Variants in SLC25A53 observed in about 807,000 individuals in gnomAD.
SLC25A53 encodes mitochondrial carrier triple repeat protein 6.
SLC25A53 carries 5 observed loss-of-function variants against 15.0 expected under a neutral mutation model. The observed-to-expected ratio is 0.33, with a 90% confidence interval of 0.17 to 0.70. The LOEUF is 0.70. Among genes scored for constraint, SLC25A53 ranks in the 30% least tolerant of loss-of-function variants. The pLI, the probability that SLC25A53 is intolerant of heterozygous loss-of-function variation, is 0.67. For synonymous variants in SLC25A53, 95 were observed against 100.0 expected (o/e 0.95, Z 0.30); for missense variants, 216 against 241.6 (o/e 0.89, Z 0.70).
At chrX:104,105,347 T>C (rs58063985) in intron 1 of SLC25A53, 59 bp from the exon 2 acceptor site, 11,121 of 813,383 alleles carry the variant, frequency 0.014, 202 homozygotes, top group African/African-American at 0.096. Flanking sequence ...GGCAAGCATT[T>C]TCATTGCTTA....
chrX:104,145,422 A>C (rs1447104321), intron 1 of SLC25A53, among the ~76,000 whole-genome samples: 1 of 111,454 alleles, frequency 9.0e-6, no homozygotes, highest in Non-Finnish European at 1.9e-5. Context: ...GAACAAACAA[A>C]TTCAAAAGCT....
At chrX:104,146,356 C>A (rs1382077973) in intron 1 of SLC25A53, among the ~76,000 whole-genome samples, 2 of 111,883 alleles carry the variant, frequency 1.8e-5, no homozygotes, top group Admixed American at 1.9e-4. Context: ...ATCACACTGA[C>A]TGGGCAAAAA....
intron 1 of SLC25A53, among the ~76,000 whole-genome samples, chrX:104,133,110 T>C (rs781854591): frequency 8.9e-6 from 1 of 112,228 alleles, no homozygotes; most frequent in Non-Finnish European, 1.9e-5. Context: ...TATAATGGAA[T>C]CCAGATTCTC....
chrX:104,147,298 T>C lies in SLC25A53; in HGVS notation c.-32+9580A>G, dbSNP rs782443532. On this transcript the variant is annotated intron_variant, in intron 1 of 1. Coordinates refer to ENST00000594199, the MANE Select transcript of SLC25A53 (RefSeq NM_001012755.5). ...CCTTCCTTACACCTTATACAAAAAT[T>C]AATTCAAGATGGATTAAAGACTTAA... is the stretch of plus-strand genomic sequence containing the variant. Among the ~76,000 whole-genome samples the C allele has an allele frequency of 4.5e-5, 5 of 110,614 alleles. No homozygotes were observed. In the South Asian group the frequency reaches 1.9e-3, roughly 43 times the overall value.
chrX:104,120,664 T>C (rs1226766636), intron 1 of SLC25A53, among the ~76,000 whole-genome samples: 1 of 111,907 alleles, frequency 8.9e-6, no homozygotes. Context: ...TCCCAATCCA[T>C]ATACATTTCT....
chrX:104,128,327 A>G (rs1025435877), intron 1 of SLC25A53, among the ~76,000 whole-genome samples: 5 of 112,202 alleles, frequency 4.5e-5, no homozygotes, highest in African/African-American at 1.6e-4. Flanking sequence ...TTAGAAATCA[A>G]AACTGAAAAA....
intron 1 of SLC25A53, among the ~76,000 whole-genome samples, chrX:104,149,228 C>T (rs1292116015): frequency 3.6e-5 from 4 of 112,488 alleles, no homozygotes; most frequent in Non-Finnish European, 7.5e-5. Context: ...TAACCAAACT[C>T]CCCACCTCTG....
chrX:104,122,537 C>T (rs925242772), intron 1 of SLC25A53, among the ~76,000 whole-genome samples: 1 of 110,475 alleles, frequency 9.1e-6, no homozygotes, highest in East Asian at 2.8e-4. Context: ...TAAAAGGCTG[C>T]TCACACTCTC....
rs1296133804 is a variant in SLC25A53, at chrX:104,099,726, C to G, written c.*4608G>C. 1 of 111,509 alleles carries G rather than the reference C, an allele frequency of 9.0e-6. No individual in the cohort carries two copies. The highest frequency in any genetic ancestry group is 1.9e-5 in the Non-Finnish European group (1 of 53,064). 9.2% of individuals were successfully genotyped at this position (111,509 alleles called of 1,213,427 possible). On this transcript the variant is annotated 3_prime_UTR_variant, in exon 2 of 2. Coordinates refer to ENST00000594199, the MANE Select transcript of SLC25A53 (RefSeq NM_001012755.5). ...TACAAAAGTCAGCATGGGGGCTACA[C>G]CTAAGATGGAGGGAGCGGTGTCATC...
In SLC25A53 at chrX:104,101,627, T is replaced by C. The variant is rs1556352649; in HGVS notation, c.*2707A>G. 2 of 112,567 alleles carry C rather than the reference T, an allele frequency of 1.8e-5. No homozygotes were observed. Among genetic ancestry groups the C allele is most frequent in the Non-Finnish European group, 3.7e-5 (2 of 53,337 alleles). The allele number at this position is 112,567 out of a possible 1,213,427, so 9.3% of individuals were successfully genotyped here. A position where few individuals can be genotyped will look rare whatever the true frequency, so the allele number is the denominator to read the frequency against. ...GTTTTCATTTTATTATATTCTGTAATAACTGTCCCATTGTCAGAGATAAAA... is the reference window on the plus strand; with the variant it reads ...GTTTTCATTTTATTATATTCTGTAACAACTGTCCCATTGTCAGAGATAAAA... On this transcript the variant is annotated 3_prime_UTR_variant, in exon 2 of 2. Transcript: ENST00000594199.
At chrX:104,132,149 T>C (rs2075427024) in intron 1 of SLC25A53, among the ~76,000 whole-genome samples, 1 of 112,562 alleles carries the variant, frequency 8.9e-6, no homozygotes, top group Admixed American at 9.4e-5. Flanking sequence ...CTGTAAACCA[T>C]ATAGAAATTA....
intron 1 of SLC25A53, among the ~76,000 whole-genome samples, chrX:104,111,965 G>A (rs2075347207): frequency 9.0e-6 from 1 of 111,704 alleles, no homozygotes; most frequent in Non-Finnish European, 1.9e-5. Context: ...CTGGCAAGGG[G>A]CAGCCTTTGA....
chrX:104,146,724 A>C (rs1165385909), intron 1 of SLC25A53, among the ~76,000 whole-genome samples: 2 of 110,407 alleles, frequency 1.8e-5, no homozygotes, highest in African/African-American at 6.6e-5. Flanking sequence ...AGAATAAAAT[A>C]CCTAGGAATC....
At chrX:104,152,054 T>C (rs1177083709) in intron 1 of SLC25A53, among the ~76,000 whole-genome samples, 3 of 68,150 alleles carry the variant, frequency 4.4e-5, no homozygotes, top group Admixed American at 3.2e-4. Context: ...AGAGAACAGA[T>C]TTCTTTTCTG....
intron 1 of SLC25A53, among the ~76,000 whole-genome samples, chrX:104,123,633 T>A (rs782624755): frequency 6.3e-5 from 7 of 110,687 alleles, no homozygotes; most frequent in Non-Finnish European, 1.3e-4. Flanking sequence ...TACATAGGTA[T>A]ACACGTGCCA....
Position 104,103,545 on chromosome X carries a change from A to T in SLC25A53, c.*789T>A, listed in dbSNP as rs782616281. ...TTCTGTGAAGAGATATGGTCACTTC[A>T]CTTCCAGGTTTCTTAGGGAAACTCA... On this transcript the variant is annotated 3_prime_UTR_variant, in exon 2 of 2. Coordinates refer to ENST00000594199, the MANE Select transcript of SLC25A53 (RefSeq NM_001012755.5). The T allele has an allele frequency of 8.9e-6, 1 of 112,012 alleles. No homozygotes were observed. The highest frequency in any genetic ancestry group is 1.9e-5 in the Non-Finnish European group (1 of 53,215). 9.2% of individuals were successfully genotyped at this position (112,012 alleles called of 1,213,427 possible).
chrX:104,152,201 A>G, intron 1 of SLC25A53, among the ~76,000 whole-genome samples: 1 of 102,434 alleles, frequency 9.8e-6, no homozygotes, highest in South Asian at 5.1e-4. Context: ...AGCATTAGGT[A>G]TATCTCCTAA....
chrX:104,112,558 C>T (rs2075352807), intron 1 of SLC25A53: 1 of 113,825 alleles, frequency 8.8e-6, no homozygotes, highest in African/African-American at 3.2e-5. Flanking sequence ...CTGAAAGCAA[C>T]CGCGGCTGCC....
intron 1 of SLC25A53, among the ~76,000 whole-genome samples, chrX:104,125,509 C>A (rs2075408546): frequency 9.0e-6 from 1 of 111,638 alleles, no homozygotes; most frequent in Non-Finnish European, 1.9e-5. Context: ...CTTATGGTAC[C>A]CCTACTGTGT....
Sources: allele counts gnomAD v4.1 joint callset (sites outside exome capture counted in the v4.1 genomes callset), GRCh38; gene constraint gnomAD v4.1.1; transcripts MANE v1.5; gene names NCBI Gene and HGNC (gene_info 2026-07-23, HGNC 2026-07-21).